CSGALNACT1: variants seen among roughly 807,000 people sequenced by gnomAD.
The protein encoded by CSGALNACT1 is beta4GalNAcT-1.
CSGALNACT1 carries 52 observed loss-of-function variants against 51.0 expected under a neutral mutation model. The ratio of observed to expected loss-of-function variants is 1.02; its 90% CI spans 0.82 to 1.29. The LOEUF is 1.29. CSGALNACT1 is among the 50% of genes most tolerant of loss of function. The pLI, the probability that CSGALNACT1 is intolerant of heterozygous loss-of-function variation, is 0.00. For synonymous variants in CSGALNACT1, 341 were observed against 254.4 expected, an observed-to-expected ratio of 1.34 and a Z score of -3.24; for missense variants, 935 against 679.2, an observed-to-expected ratio of 1.38 and a Z score of -4.19.
intron 1 of CSGALNACT1, among the ~76,000 whole-genome samples, chr8:19,743,229 G>A (rs986294820): frequency 3.3e-5 from 5 of 152,252 alleles, no homozygotes; most frequent in Non-Finnish European, 5.9e-5. Context: ...CTATTAGTCC[G>A]ATAACCATAC....
At chr8:19,457,688 C>T in intron 5 of CSGALNACT1, 1 of 1,311,288 alleles carries the variant, frequency 7.6e-7, no homozygotes, top group Non-Finnish European at 1.0e-6. Context: ...ATGTTTAAAA[C>T]AAGCTGGTGA....
At chr8:19,611,444 C>T (rs1477570798) in intron 1 of CSGALNACT1, among the ~76,000 whole-genome samples, 1 of 152,180 alleles carries the variant, frequency 6.6e-6, no homozygotes, top group African/African-American at 2.4e-5. Flanking sequence ...CTGTAAACCA[C>T]GCCCCAATCT....
intron 4 of CSGALNACT1, among the ~76,000 whole-genome samples, chr8:19,472,652 C>A (rs185677678): frequency 2.0e-5 from 3 of 152,204 alleles, no homozygotes; most frequent in Non-Finnish European, 4.4e-5. Flanking sequence ...TGAATCAACT[C>A]GGCAATCAAA....
chr8:19,627,564 T>C (rs990208319), intron 1 of CSGALNACT1, among the ~76,000 whole-genome samples: 6 of 152,132 alleles, frequency 3.9e-5, no homozygotes. Context: ...GATTCACACC[T>C]GTAATCCCAG....
chr8:19,634,863 G>C (rs1051502694), intron 1 of CSGALNACT1, among the ~76,000 whole-genome samples: 3 of 152,184 alleles, frequency 2.0e-5, no homozygotes, highest in Non-Finnish European at 2.9e-5. Flanking sequence ...ATGGTATTTT[G>C]TGATGGAAGC....
At chr8:19,411,880 G>A (rs1476633114) in intron 8 of CSGALNACT1, among the ~76,000 whole-genome samples, 1 of 150,514 alleles carries the variant, frequency 6.6e-6, no homozygotes, top group African/African-American at 2.5e-5. Context: ...GCCCAGGCTG[G>A]AGTGCAGTGG....
intron 1 of CSGALNACT1, among the ~76,000 whole-genome samples, chr8:19,731,995 C>T (rs1037899158): frequency 6.6e-6 from 1 of 152,130 alleles, no homozygotes; most frequent in Non-Finnish European, 1.5e-5. Flanking sequence ...GTTGATAGCA[C>T]GCAGAAAACA....
At chr8:19,705,580 A>C (rs2062113463) in intron 1 of CSGALNACT1, among the ~76,000 whole-genome samples, 1 of 152,132 alleles carries the variant, frequency 6.6e-6, no homozygotes, top group East Asian at 1.9e-4. Context: ...TACAAAAAAT[A>C]CAAAAAATTA....
At chr8:19,522,168 T>C (rs546998949) in intron 3 of CSGALNACT1, among the ~76,000 whole-genome samples, 1 of 152,252 alleles carries the variant, frequency 6.6e-6, no homozygotes, top group African/African-American at 2.4e-5. Context: ...GAAATCAGTG[T>C]GAGCTAAATT....
chr8:19,572,706 G>A (rs910054545), intron 3 of CSGALNACT1, among the ~76,000 whole-genome samples: 1 of 152,166 alleles, frequency 6.6e-6, no homozygotes, highest in Non-Finnish European at 1.5e-5. Context: ...TGCTAAAGGT[G>A]GAAATTGGAT....
chr8:19,423,294 GTAAT>G (rs1170303941), intron 6 of CSGALNACT1, among the ~76,000 whole-genome samples: 1 of 152,148 alleles, frequency 6.6e-6, no homozygotes, highest in Non-Finnish European at 1.5e-5. Context: ...ATCATGTTGA[GTAAT>G]TAAATAAGAA....
intron 5 of CSGALNACT1, among the ~76,000 whole-genome samples, 191 bp from the exon 5 acceptor site, chr8:19,440,122 G>A (rs554239091): frequency 1.3e-5 from 2 of 152,200 alleles, no homozygotes; most frequent in South Asian, 2.1e-4. Flanking sequence ...TCATCTTATC[G>A]GGACAACAAG....
intron 3 of CSGALNACT1, among the ~76,000 whole-genome samples, chr8:19,524,541 T>C (rs569986297): frequency 1.3e-5 from 2 of 152,158 alleles, no homozygotes; most frequent in South Asian, 4.2e-4. Context: ...AGTCCTAATT[T>C]TTTTAATATT....
At chr8:19,651,916 T>C (rs2057838175) in intron 1 of CSGALNACT1, among the ~76,000 whole-genome samples, 1 of 93,002 alleles carries the variant, frequency 1.1e-5, no homozygotes, top group Non-Finnish European at 2.3e-5. Context: ...TCGCTGTCTG[T>C]TTTTTTTTGT....
At chr8:19,413,846 G>A (rs1261521944) in intron 8 of CSGALNACT1, among the ~76,000 whole-genome samples, 1 of 152,196 alleles carries the variant, frequency 6.6e-6, no homozygotes, top group African/African-American at 2.4e-5. Context: ...CAGGGAGACT[G>A]AGCAGGTGTG....
intron 1 of CSGALNACT1, among the ~76,000 whole-genome samples, chr8:19,641,194 C>T (rs2056705313): frequency 7.2e-6 from 1 of 137,964 alleles, no homozygotes; most frequent in South Asian, 2.5e-4. Flanking sequence ...CTCCTCCCAA[C>T]AAGACCTTCA....
intron 2 of CSGALNACT1, among the ~76,000 whole-genome samples, chr8:19,598,107 G>A (rs114385649): frequency 6.6e-6 from 1 of 152,216 alleles, no homozygotes; most frequent in African/African-American, 2.4e-5. Context: ...ACATGGAGGA[G>A]AGAAGGTGAA....
At chr8:19,715,433 C>A (rs2062749760) in intron 1 of CSGALNACT1, among the ~76,000 whole-genome samples, 1 of 152,188 alleles carries the variant, frequency 6.6e-6, no homozygotes, top group Non-Finnish European at 1.5e-5. Context: ...TCCACCTCCA[C>A]CAATGTTGCT....
At chr8:19,756,221 C>A (rs544671852) in intron 1 of CSGALNACT1, among the ~76,000 whole-genome samples, 1 of 151,468 alleles carries the variant, frequency 6.6e-6, no homozygotes, top group Non-Finnish European at 1.5e-5. Context: ...TTTAAATTTC[C>A]AGTTTAAAAA....
Sources: allele counts gnomAD v4.1 joint callset (sites outside exome capture counted in the v4.1 genomes callset), GRCh38; gene constraint gnomAD v4.1.1; transcripts MANE v1.5; gene names NCBI Gene and HGNC (gene_info 2026-07-23, HGNC 2026-07-21).